Variants in TYW1 observed in about 807,000 individuals in gnomAD.
TYW1 encodes the protein S-adenosyl-L-methionine-dependent tRNA 4-demethylwyosine synthase TYW1.
A neutral mutation model predicts 96.2 loss-of-function variants in TYW1; 46 were observed. The observed-to-expected ratio is 0.48, with a 90% CI of 0.38 to 0.61. The LOEUF (loss-of-function observed/expected upper bound fraction) is 0.61, where lower values mean the gene tolerates loss of function less well. Among genes scored for constraint, TYW1 ranks in the 20% least tolerant of loss-of-function variants. The pLI is 0.00. For synonymous variants in TYW1, 274 were observed against 323.0 expected (o/e 0.85, Z 1.63); for missense variants, 684 against 909.6 (o/e 0.75, Z 3.19).
rs2901422 is a variant in TYW1 at position 67,233,822 on chromosome 7, C to T, written c.1978-4486C>T. Among the ~76,000 whole-genome samples the T allele has an allele frequency of 2.5e-4, 34 of 136,054 alleles. 2 individuals are homozygous for T. In the East Asian group the frequency reaches 5.5e-3, roughly 22 times the overall value. The allele number at this position is 136,054 out of a possible 152,430, so 89.3% of individuals were successfully genotyped here. ...ATTCGTCTCAGATTGCCCTGAGAGGCGGCACATGTGGTTCAGTTTTGTCTT... is the reference window on the plus strand; with the variant it reads ...ATTCGTCTCAGATTGCCCTGAGAGGTGGCACATGTGGTTCAGTTTTGTCTT... On this transcript the variant is annotated intron_variant, in intron 15 of 15. Transcript: ENST00000359626.
intron 15 of TYW1, among the ~76,000 whole-genome samples, chr7:67,200,529 G>A (rs1800558761): frequency 6.6e-6 from 1 of 151,904 alleles, no homozygotes; most frequent in African/African-American, 2.4e-5. Context: ...GAACAGTATG[G>A]GGGAAACCAC....
rs183890496 is a variant in TYW1 at position 67,049,755 on chromosome 7, C to T, written c.985-194C>T. Among the ~76,000 whole-genome samples the T allele has an allele frequency of 4.8e-3, 737 of 152,188 alleles. 4 individuals are homozygous for T. The highest frequency in any genetic ancestry group is 7.0e-3 in the Non-Finnish European group (476 of 67,998). On this transcript the variant is annotated intron_variant, in intron 7 of 15. Coordinates refer to ENST00000359626, the MANE Select transcript of TYW1 (RefSeq NM_018264.4). ...AGAGATGAGGTTTCACCATCTTGGCCGGGCTGGTCTCGATCTCCTGACCTC... is the reference window on the plus strand; with the variant it reads ...AGAGATGAGGTTTCACCATCTTGGCTGGGCTGGTCTCGATCTCCTGACCTC...
chr7:67,219,956 T>C (rs1351226878), intron 15 of TYW1, among the ~76,000 whole-genome samples: 2 of 150,904 alleles, frequency 1.3e-5, no homozygotes, highest in Admixed American at 1.3e-4. Flanking sequence ...CCTGAAGTTT[T>C]GAAGTTAGGT....
chr7:67,237,227 G>A (rs1264591694), intron 15 of TYW1, among the ~76,000 whole-genome samples: 3 of 151,884 alleles, frequency 2.0e-5, no homozygotes, highest in Admixed American at 2.0e-4. Context: ...TGGGCCGGGC[G>A]TGGTGGCTCA....
chr7:67,052,740 T>A (rs1795395061), intron 8 of TYW1, among the ~76,000 whole-genome samples: 1 of 152,080 alleles, frequency 6.6e-6, no homozygotes, highest in African/African-American at 2.4e-5. Flanking sequence ...ATTATTTATT[T>A]ATTTATTTTG....
chr7:67,235,476 TAC>T (rs2116455005), intron 15 of TYW1, among the ~76,000 whole-genome samples: 1 of 152,256 alleles, frequency 6.6e-6, no homozygotes, highest in East Asian at 1.9e-4. Context: ...CTGTCATGAA[TAC>T]ACAGTGAAGC....
intron 14 of TYW1, among the ~76,000 whole-genome samples, chr7:67,193,136 T>C (rs184083111): frequency 2.1e-3 from 326 of 152,302 alleles, no homozygotes; most frequent in African/African-American, 7.3e-3. Context: ...TTTAGCAAGT[T>C]GTTTATTTTC....
intron 3 of TYW1, among the ~76,000 whole-genome samples, chr7:67,000,932 A>G (rs1295348276): frequency 6.6e-6 from 1 of 152,088 alleles, no homozygotes. Context: ...GCTTCATTTT[A>G]CAGTCGAAGG....
At chr7:67,078,765 T>C (rs535376606) in intron 10 of TYW1, among the ~76,000 whole-genome samples, 1 of 152,082 alleles carries the variant, frequency 6.6e-6, no homozygotes, top group Non-Finnish European at 1.5e-5. Context: ...CAATCTCGGT[T>C]CACTGCAACC....
chr7:67,116,518 C>G (rs1797599277), intron 12 of TYW1, among the ~76,000 whole-genome samples: 1 of 151,628 alleles, frequency 6.6e-6, no homozygotes, highest in African/African-American at 2.4e-5. Flanking sequence ...GGACCCCTGT[C>G]TCTACAAAAA....
intron 11 of TYW1, among the ~76,000 whole-genome samples, chr7:67,095,138 A>G (rs1317187876): frequency 6.6e-6 from 1 of 151,866 alleles, no homozygotes; most frequent in African/African-American, 2.4e-5. Flanking sequence ...AGCTGGGCCT[A>G]CAAGCATGCA....
At chr7:67,015,475 C>T (rs1793983822) in intron 5 of TYW1, among the ~76,000 whole-genome samples, 1 of 152,164 alleles carries the variant, frequency 6.6e-6, no homozygotes, top group Admixed American at 6.6e-5. Flanking sequence ...AGTCAGCCTC[C>T]CTAGTAGCTG....
At chr7:67,098,070 T>G (rs1443631536) in intron 11 of TYW1, among the ~76,000 whole-genome samples, 4 of 152,184 alleles carry the variant, frequency 2.6e-5, no homozygotes, top group Non-Finnish European at 4.4e-5. Flanking sequence ...TATTCCAGTA[T>G]GAAGCCAAAG....
chr7:67,233,553 A>T (rs1801801114), intron 15 of TYW1, among the ~76,000 whole-genome samples: 1 of 134,270 alleles, frequency 7.4e-6, no homozygotes, highest in Non-Finnish European at 1.6e-5. Context: ...TTTTGAGTTT[A>T]TTTGTAATTC....
intron 15 of TYW1, among the ~76,000 whole-genome samples, chr7:67,198,752 T>C (rs1800489855): frequency 6.6e-6 from 1 of 152,172 alleles, no homozygotes; most frequent in Admixed American, 6.5e-5. Context: ...CAGCCACAGT[T>C]ACCCAACCCC....
intron 13 of TYW1, among the ~76,000 whole-genome samples, chr7:67,142,796 A>C (rs888531702): frequency 9.2e-5 from 14 of 152,084 alleles, no homozygotes; most frequent in African/African-American, 3.4e-4. Context: ...TATGCCTGTA[A>C]TCCCAACATT....
At chr7:67,020,636 A>T (rs1044567009) in intron 6 of TYW1, among the ~76,000 whole-genome samples, 22 of 152,274 alleles carry the variant, frequency 1.4e-4, no homozygotes, top group African/African-American at 5.1e-4. Context: ...GCTTAGTGTG[A>T]CCTTAGCACC....
At chr7:67,039,567 T>G (rs977987402) in intron 7 of TYW1, among the ~76,000 whole-genome samples, 4 of 152,130 alleles carry the variant, frequency 2.6e-5, no homozygotes, top group Non-Finnish European at 5.9e-5. Flanking sequence ...CTAGCTTTAA[T>G]CTCCTTTCCT....
intron 13 of TYW1, among the ~76,000 whole-genome samples, chr7:67,144,566 A>G (rs6948003): frequency 0.26 from 39,441 of 151,700 alleles, 5,591 homozygotes; most frequent in African/African-American, 0.38. Context: ...CCACCTCCCG[A>G]CTCAAGCAAT....
Sources: gnomAD v4.1 joint callset for allele counts (sites outside exome capture counted in the v4.1 genomes callset) on GRCh38, gnomAD v4.1.1 for gene constraint, MANE v1.5 for transcripts, NCBI Gene and HGNC (gene_info 2026-07-23, HGNC 2026-07-21) for gene names.